ESR2: variants seen among roughly 807,000 people sequenced by gnomAD.
ESR2 encodes the protein estrogen receptor beta.
A neutral mutation model predicts 49.6 loss-of-function variants in ESR2; 36 were observed. The observed-to-expected ratio is 0.73, with a 90% CI of 0.56 to 0.96. The LOEUF (loss-of-function observed/expected upper bound fraction) is 0.96. ESR2 is among the 40% of genes least tolerant of loss of function. The pLI is 0.00. For synonymous variants in ESR2, 320 were observed against 266.1 expected, an observed-to-expected ratio of 1.20 and a Z score of -1.97; for missense variants, 714 against 693.0, an observed-to-expected ratio of 1.03 and a Z score of -0.34.
At chr14:64,253,968 G>T (rs191241817) in intron 6 of ESR2, among the ~76,000 whole-genome samples, 75 of 152,184 alleles carry the variant, frequency 4.9e-4, no homozygotes, top group Admixed American at 1.6e-3. Context: ...AGACAGTCAG[G>T]TTCTTTAGAT....
At chr14:64,283,309 A>G (rs1009004994) in intron 1 of ESR2, among the ~76,000 whole-genome samples, 3 of 152,210 alleles carry the variant, frequency 2.0e-5, no homozygotes, top group African/African-American at 7.2e-5. Flanking sequence ...TTTAAGCACA[A>G]GAGTTTAATC....
At chr14:64,247,109 C>A (rs1368892521) in intron 7 of ESR2, among the ~76,000 whole-genome samples, 1 of 152,054 alleles carries the variant, frequency 6.6e-6, no homozygotes, top group East Asian at 1.9e-4. Context: ...TGGTCTGTTG[C>A]CCATTTACAA....
At chr14:64,287,182 T>C (rs981255937) in intron 1 of ESR2, among the ~76,000 whole-genome samples, 1 of 152,134 alleles carries the variant, frequency 6.6e-6, no homozygotes, top group Non-Finnish European at 1.5e-5. Flanking sequence ...ACTAAAACTC[T>C]CTGTTAAACA....
intron 1 of ESR2, among the ~76,000 whole-genome samples, chr14:64,291,064 C>T (rs1403385853): frequency 1.3e-5 from 2 of 152,114 alleles, no homozygotes; most frequent in African/African-American, 4.8e-5. Context: ...ACAGACCATG[C>T]TCTGTAGGAA....
At position 64,232,168 on chromosome 14, in the gene ESR2, C is replaced by T. The variant is rs2098727845; in HGVS notation, c.*969G>A. The T allele has an allele frequency of 6.6e-6, 1 of 152,258 alleles. No individual in the cohort carries two copies. The highest frequency in any genetic ancestry group is 1.5e-5 in the Non-Finnish European group (1 of 68,058). 9.4% of individuals were successfully genotyped at this position (152,258 alleles called of 1,614,324 possible). A position where few individuals can be genotyped will look rare whatever the true frequency, so the allele number is the denominator to read the frequency against. ...TCCATCCATAAAACAGCACACTGCA[C>T]ACATCCACAGCCCAAAGTATCCCTG... is the stretch of plus-strand genomic sequence containing the variant. On this transcript the variant is annotated 3_prime_UTR_variant, in exon 9 of 9. Coordinates refer to ENST00000341099, the MANE Select transcript of ESR2 (RefSeq NM_001437.3).
intron 3 of ESR2, among the ~76,000 whole-genome samples, chr14:64,277,680 C>A (rs1284514306): frequency 6.7e-6 from 1 of 149,598 alleles, no homozygotes; most frequent in Admixed American, 6.7e-5. Context: ...CAATACTGTA[C>A]CATCCTGGCC....
At chr14:64,284,052 G>A (rs761529321) in intron 1 of ESR2, among the ~76,000 whole-genome samples, 12 of 151,740 alleles carry the variant, frequency 7.9e-5, no homozygotes, top group Non-Finnish European at 1.3e-4. Flanking sequence ...TCAGCCTCAC[G>A]AGTAGCTGAG....
At chr14:64,328,820 A>G (rs1596499452) in intron 1 of ESR2, among the ~76,000 whole-genome samples, 1 of 152,212 alleles carries the variant, frequency 6.6e-6, no homozygotes, top group Admixed American at 6.5e-5. Flanking sequence ...TAAACCTACA[A>G]TATAAGAGGT....
chr14:64,265,223 G>GC (rs2076304278), intron 4 of ESR2, among the ~76,000 whole-genome samples: 1 of 152,146 alleles, frequency 6.6e-6, no homozygotes, highest in South Asian at 2.1e-4. Flanking sequence ...ACCAAATCGA[G>GC]TGCTCCATAT....
At chr14:64,248,836 GTCC>G (rs2075924875) in intron 7 of ESR2, among the ~76,000 whole-genome samples, 1 of 151,792 alleles carries the variant, frequency 6.6e-6, no homozygotes, top group African/African-American at 2.4e-5. Context: ...GCCCTTTCTA[GTCC>G]TCCACATGGA....
At chr14:64,294,482 C>G (rs1174075264), upstream of ESR2, 2 of 152,186 alleles carry the variant, frequency 1.3e-5, no homozygotes, top group African/African-American at 2.4e-5. Flanking sequence ...CAGGAACGCC[C>G]GACGCCGCGC....
chr14:64,227,958 CAG>C (rs756234081), downstream of ESR2: 1 of 1,586,000 alleles, frequency 6.3e-7, no homozygotes, highest in South Asian at 1.1e-5. Flanking sequence ...TAATCAAACT[CAG>C]AATGATTACA....
At chr14:64,266,691 T>A (rs2076336215) in intron 4 of ESR2, among the ~76,000 whole-genome samples, 1 of 152,216 alleles carries the variant, frequency 6.6e-6, no homozygotes, top group African/African-American at 2.4e-5. Flanking sequence ...AACATACACA[T>A]AAGATATTAT....
intron 7 of ESR2, among the ~76,000 whole-genome samples, chr14:64,240,871 G>T (rs551895531): frequency 9.9e-5 from 15 of 152,110 alleles, no homozygotes; most frequent in African/African-American, 2.7e-4. Flanking sequence ...CTGGCCGGGC[G>T]CGGTGGCTCA....
intron 7 of ESR2, among the ~76,000 whole-genome samples, chr14:64,237,484 A>G (rs1036156588): frequency 1.3e-5 from 2 of 152,220 alleles, no homozygotes; most frequent in Non-Finnish European, 2.9e-5. Context: ...TTCCGCTGCC[A>G]TCAAGCAATA....
chr14:64,281,100 G>A (rs1474918548), intron 2 of ESR2, among the ~76,000 whole-genome samples: 2 of 152,132 alleles, frequency 1.3e-5, no homozygotes, highest in African/African-American at 2.4e-5. Flanking sequence ...AGGGGGAAGA[G>A]AAGAGAAAGG....
chr14:64,233,181 C>T lies in ESR2; in HGVS notation c.1549G>A (p.Asp517Asn). Residue 517 changes from aspartate to asparagine, a missense_variant, in exon 9 of 9, where the codon GAC becomes AAC. Transcript: ENST00000341099. ...TGGGAGCCCTCTTTGCTTTTACTGT[C>T]CTCTGCCGGGCTGCACTCGGACCCC... is the stretch of plus-strand genomic sequence containing the variant. Reference protein sequence around the residue: ...ITGSECSPAEDSKSKEGSQNP... With the variant: ...ITGSECSPAENSKSKEGSQNP... 6.2e-7 allele frequency: 1 copy of T among 1,614,150 alleles called. No individual in the cohort carries two copies. The highest frequency in any genetic ancestry group is 8.5e-7 in the Non-Finnish European group (1 of 1,180,016).
At chr14:64,245,648 C>T (rs1178968495) in intron 7 of ESR2, among the ~76,000 whole-genome samples, 1 of 151,340 alleles carries the variant, frequency 6.6e-6, no homozygotes, top group Non-Finnish European at 1.5e-5. Context: ...TGTGGCAGTT[C>T]TGTCATGCTG....
At chr14:64,293,485 T>C (rs1411022518) in intron 1 of ESR2, among the ~76,000 whole-genome samples, 2 of 152,256 alleles carry the variant, frequency 1.3e-5, no homozygotes, top group African/African-American at 4.8e-5. Flanking sequence ...GACTTAATAT[T>C]GTCCTTCCAA....
Sources: gnomAD v4.1 joint callset for allele counts (sites outside exome capture counted in the v4.1 genomes callset) on GRCh38, gnomAD v4.1.1 for gene constraint, MANE v1.5 for transcripts, NCBI Gene and HGNC (gene_info 2026-07-23, HGNC 2026-07-21) for gene names.